Variants in MMP26 observed in about 807,000 individuals in gnomAD.
MMP26 encodes the protein matrix metallopeptidase 26.
A neutral mutation model predicts 31.0 loss-of-function variants in MMP26; 33 were observed. The ratio of observed to expected loss-of-function variants is 1.06; its 90% CI spans 0.81 to 1.42. The LOEUF (loss-of-function observed/expected upper bound fraction) is 1.42, where lower values mean the gene tolerates loss of function less well. Among genes scored for constraint, MMP26 ranks in the 40% most tolerant of loss-of-function variants. The probability of loss-of-function intolerance (pLI) is 0.00; values close to 1 mark genes in which losing one functional copy is unlikely to be tolerated. For missense variants in MMP26, 347 were observed against 316.1 expected (o/e 1.10, Z -0.74); for synonymous variants, 122 against 114.9 (o/e 1.06, Z -0.40).
intron 2 of MMP26, among the ~76,000 whole-genome samples, chr11:4,886,055 A>G (rs1159104382): frequency 1.3e-5 from 2 of 152,112 alleles, no homozygotes; most frequent in Non-Finnish European, 2.9e-5. Flanking sequence ...GCATTGGTAA[A>G]TAACATGTCA....
intron 2 of MMP26, among the ~76,000 whole-genome samples, chr11:4,776,613 G>A (rs77910391): frequency 0.015 from 2,332 of 152,242 alleles, 73 homozygotes; most frequent in African/African-American, 0.053. Flanking sequence ...TGTCAAGGGA[G>A]GGGCCTGGTG....
At chr11:4,991,565 A>G (rs948674433) in intron 6 of MMP26, 69 bp downstream of exon 6, 1 of 1,576,486 alleles carries the variant, frequency 6.3e-7, no homozygotes, top group Admixed American at 1.7e-5. Context: ...GATGGTTTCC[A>G]TTTAGGGATC....
At position 4,723,153 on chromosome 11, in the gene MMP26, C is replaced by T. The variant is rs537294518; in HGVS notation, c.-217+18108C>T. The stretch of plus-strand genomic sequence containing the variant: ...AGCTTGGAGTTGGCATCCTTAATGG[C>T]CAGCTCCCCACGCTGCTCGGCATCT... On this transcript the variant is annotated intron_variant, in intron 1 of 7. Coordinates refer to ENST00000380390, the MANE Select transcript of MMP26 (RefSeq NM_021801.5). 1.2e-4 allele frequency: 185 copies of T among 1,599,124 alleles called. No individual in the cohort carries two copies. The African/African-American group carries it at 2.3e-3, about 20-fold the overall frequency.
intron 1 of MMP26, among the ~76,000 whole-genome samples, chr11:4,738,843 A>G (rs918189594): frequency 1.3e-5 from 2 of 152,318 alleles, no homozygotes; most frequent in East Asian, 3.9e-4. Flanking sequence ...ACTTTATCAT[A>G]CATTATATAT....
intron 1 of MMP26, chr11:4,722,781 TG>T (rs1848032890): frequency 1.0e-6 from 1 of 1,001,840 alleles, no homozygotes; most frequent in Non-Finnish European, 1.6e-6. Context: ...CTTCCCTTCG[TG>T]GGTCTCGATA....
At chr11:4,912,355 C>G (rs1252854853) in intron 2 of MMP26, among the ~76,000 whole-genome samples, 2 of 152,192 alleles carry the variant, frequency 1.3e-5, no homozygotes, top group Non-Finnish European at 2.9e-5. Context: ...ATCGGAATAA[C>G]TTTTAATTTA....
At position 4,709,125 on chromosome 11, in the gene MMP26, G is replaced by T. The variant is rs1847823850; in HGVS notation, c.-217+4080G>T. ...GTCACATGGACTTATAAACTTTAAT[G>T]CACCTTAGGGTTTTTGCCGCAGAAA... On this transcript the variant is annotated intron_variant, in intron 1 of 7. Transcript: ENST00000380390. Among the ~76,000 whole-genome samples, 7 of 151,980 alleles carry T rather than the reference G, an allele frequency of 4.6e-5. No individual in the cohort carries two copies. In the South Asian group the frequency reaches 1.5e-3, roughly 32 times the overall value.
At chr11:4,752,841 A>C (rs569397579) in intron 1 of MMP26, 3 of 153,332 alleles carry the variant, frequency 2.0e-5, no homozygotes, top group South Asian at 4.1e-4. Flanking sequence ...GATGACAAAA[A>C]GGATCAGGGT....
rs150805091 is a variant in MMP26, at chr11:4,844,286, C to G, written c.-145+76945C>G. ...ATCAAAGCCACAATGAAAAGCCTTC[C>G]CATAAAGAAAAGCCTGGGATACGAT... On this transcript the variant is annotated intron_variant, in intron 2 of 7. Coordinates refer to ENST00000380390, the MANE Select transcript of MMP26 (RefSeq NM_021801.5). Among the ~76,000 whole-genome samples, 115 of 152,126 alleles carry G rather than the reference C, an allele frequency of 7.6e-4. 2 individuals carry two copies. In the East Asian group the frequency reaches 0.021, roughly 27 times the overall value.
chr11:4,932,643 T>C (rs1185540451), intron 2 of MMP26, among the ~76,000 whole-genome samples: 1 of 152,136 alleles, frequency 6.6e-6, no homozygotes, highest in Admixed American at 6.6e-5. Flanking sequence ...CCTGCTGAGC[T>C]CTGCACAAAT....
In MMP26 at chr11:4,723,732, A is replaced by G. The variant is rs894858171; in HGVS notation, c.-217+18687A>G. 5 of 1,214,118 alleles carry G rather than the reference A, an allele frequency of 4.1e-6. No homozygotes were observed. In the African/African-American group the frequency reaches 5.9e-5, roughly 14 times the overall value. 75.2% of individuals were successfully genotyped at this position (1,214,118 alleles called of 1,614,324 possible). On this transcript the variant is annotated intron_variant, in intron 1 of 7. Transcript: ENST00000380390. ...GGCCCAGAGTGTCCAGTTGCCGCCT[A>G]AGGTTGTTGATGTAGCTCTCGAACA...
At chr11:4,712,618 G>T (rs1847876374) in intron 1 of MMP26, among the ~76,000 whole-genome samples, 2 of 152,142 alleles carry the variant, frequency 1.3e-5, no homozygotes, top group Admixed American at 1.3e-4. Context: ...TCTTAAAATA[G>T]ATGTACTAAG....
Position 4,959,731 on chromosome 11 carries a change from C to T in MMP26, c.-144-28337C>T, listed in dbSNP as rs1380677731. Among the ~76,000 whole-genome samples the T allele has an allele frequency of 2.6e-5, 4 of 152,262 alleles. No individual in the cohort carries two copies. In the East Asian group the frequency reaches 5.8e-4, roughly 22 times the overall value. ...CTTTTCTTGTCCTCTATTGCCCTCA[C>T]GTATGTTACAAGACCCTTAGAGGTT... On this transcript the variant is annotated intron_variant, in intron 2 of 7. Coordinates refer to ENST00000380390, the MANE Select transcript of MMP26 (RefSeq NM_021801.5).
chr11:4,773,595 GT>G (rs3065888), intron 2 of MMP26, among the ~76,000 whole-genome samples: 2,894 of 108,332 alleles, frequency 0.027, 21 homozygotes, highest in Non-Finnish European at 0.034. Flanking sequence ...TGTTTGTGGG[GT>G]TTTTTTTTTT....
At chr11:4,773,361 G>T (rs1848750294) in intron 2 of MMP26, among the ~76,000 whole-genome samples, 1 of 152,206 alleles carries the variant, frequency 6.6e-6, no homozygotes, top group Non-Finnish European at 1.5e-5. Context: ...GTGGACTCCA[G>T]CTAACAACCA....
At chr11:4,752,207 G>C (rs892660848) in intron 1 of MMP26, 1 of 152,214 alleles carries the variant, frequency 6.6e-6, no homozygotes. Context: ...CAAAGGACAG[G>C]CTGATCAAAG....
At chr11:4,738,132 G>A (rs4132540) in intron 1 of MMP26, among the ~76,000 whole-genome samples, 26,440 of 152,066 alleles carry the variant, frequency 0.17, 2,774 homozygotes, top group African/African-American at 0.3. Context: ...ATGGCCCACA[G>A]GAAAAAAATT....
chr11:4,925,904 G>T (rs1231508224), intron 2 of MMP26, among the ~76,000 whole-genome samples: 1 of 152,140 alleles, frequency 6.6e-6, no homozygotes, highest in Non-Finnish European at 1.5e-5. Context: ...CATTGTAAGG[G>T]CTTACCTTAT....
chr11:4,969,175 A>T (rs927145146), intron 2 of MMP26, among the ~76,000 whole-genome samples: 1 of 152,046 alleles, frequency 6.6e-6, no homozygotes, highest in African/African-American at 2.4e-5. Flanking sequence ...TTATTAATAC[A>T]TAATTTCACA....
Sources: gnomAD v4.1 joint callset for allele counts (sites outside exome capture counted in the v4.1 genomes callset) on GRCh38, gnomAD v4.1.1 for gene constraint, MANE v1.5 for transcripts, NCBI Gene and HGNC (gene_info 2026-07-23, HGNC 2026-07-21) for gene names.